TMC1: variants seen among roughly 807,000 people sequenced by gnomAD.
TMC1 encodes transmembrane channel like 1.
TMC1 carries 84 observed loss-of-function variants against 105.8 expected under a neutral mutation model. The observed-to-expected ratio is 0.79, with a 90% CI of 0.67 to 0.95. The LOEUF (loss-of-function observed/expected upper bound fraction) is 0.95. Ranked by LOEUF, TMC1 falls within the 40% of genes least tolerant of loss-of-function variation. TMC1 has a pLI of 0.00. For missense variants in TMC1, 817 were observed against 914.1 expected (o/e 0.89, Z 1.37); for synonymous variants, 315 against 311.5 (o/e 1.01, Z -0.12).
chr9:72,806,088 G>T (rs887046694), intron 18 of TMC1, among the ~76,000 whole-genome samples: 2 of 151,982 alleles, frequency 1.3e-5, no homozygotes, highest in Non-Finnish European at 2.9e-5. Context: ...TGGTGGCCGG[G>T]CAGAGGGGCT....
chr9:72,777,977 C>T (rs1828032490), intron 13 of TMC1, among the ~76,000 whole-genome samples: 2 of 152,256 alleles, frequency 1.3e-5, no homozygotes, highest in South Asian at 2.1e-4. Context: ...TTGTGGAACA[C>T]CTAGAATGGG....
chr9:72,656,919 G>A (rs575236771), intron 5 of TMC1, among the ~76,000 whole-genome samples: 156 of 152,314 alleles, frequency 1.0e-3, no homozygotes, highest in African/African-American at 3.7e-3. Flanking sequence ...AGGGTCTCAT[G>A]TTCTGTGAGA....
intron 8 of TMC1, among the ~76,000 whole-genome samples, chr9:72,701,710 G>A (rs752507890): frequency 1.7e-4 from 26 of 152,076 alleles, no homozygotes; most frequent in Non-Finnish European, 3.4e-4. Context: ...TAAAGGTATC[G>A]CTTAATCTCC....
At chr9:72,598,235 A>G (rs537960564) in intron 2 of TMC1, among the ~76,000 whole-genome samples, 1 of 152,118 alleles carries the variant, frequency 6.6e-6, no homozygotes, top group East Asian at 1.9e-4. Flanking sequence ...TGGGAAATCT[A>G]CTCACATATC....
intron 2 of TMC1, among the ~76,000 whole-genome samples, chr9:72,601,248 A>G (rs1824810522): frequency 6.6e-6 from 1 of 151,838 alleles, no homozygotes. Flanking sequence ...GCATATCCCT[A>G]TAGTCCCAGC....
chr9:72,779,262 A>C (rs1278278363), intron 13 of TMC1, among the ~76,000 whole-genome samples: 1 of 152,238 alleles, frequency 6.6e-6, no homozygotes, highest in Non-Finnish European at 1.5e-5. Flanking sequence ...CCTCAAAGGC[A>C]TCAAAGAATT....
intron 1 of TMC1, among the ~76,000 whole-genome samples, chr9:72,577,550 T>C (rs1437110242): frequency 6.6e-6 from 1 of 152,244 alleles, no homozygotes; most frequent in Non-Finnish European, 1.5e-5. Context: ...AGCAGCCTGA[T>C]TGAGATCAGC....
intron 5 of TMC1, among the ~76,000 whole-genome samples, chr9:72,657,100 A>G (rs573478257): frequency 1.3e-5 from 2 of 152,352 alleles, no homozygotes; most frequent in Admixed American, 6.5e-5. Flanking sequence ...GGATTCAAAG[A>G]TCTCCAGAGC....
chr9:72,762,150 GAA>G (rs1195712424), intron 12 of TMC1, among the ~76,000 whole-genome samples: 6 of 152,280 alleles, frequency 3.9e-5, no homozygotes, highest in African/African-American at 1.2e-4. Context: ...CTACAGTTTT[GAA>G]AGAGTCTTGG....
chr9:72,761,586 A>G (rs1827755882), intron 12 of TMC1, among the ~76,000 whole-genome samples: 1 of 152,192 alleles, frequency 6.6e-6, no homozygotes, highest in Admixed American at 6.5e-5. Flanking sequence ...CATACATTAA[A>G]TTTTATCCTC....
In TMC1 at chr9:72,699,152, A is replaced by G. The variant is rs149100002; in HGVS notation, c.237-1366A>G. On this transcript the variant is annotated intron_variant, in intron 7 of 23. Coordinates refer to ENST00000297784, the MANE Select transcript of TMC1 (RefSeq NM_138691.3). ...TATTACCAAAAAGCTGATCTCTACA[A>G]TGTGGTATTGCATGCCTCGATTTAA... Among the ~76,000 whole-genome samples the G allele has an allele frequency of 1.5e-3, 234 of 152,298 alleles. 2 individuals carry two copies. The East Asian group carries it at 0.018, about 11-fold the overall frequency.
intron 8 of TMC1, among the ~76,000 whole-genome samples, chr9:72,727,469 A>T (rs1217082166): frequency 6.6e-6 from 1 of 152,198 alleles, no homozygotes; most frequent in Non-Finnish European, 1.5e-5. Flanking sequence ...AAATAAAATG[A>T]ATTTGTTTAT....
chr9:72,577,756 G>A (rs1484556104), intron 1 of TMC1, 146 bp from the exon 2 acceptor site: 1 of 152,026 alleles, frequency 6.6e-6, no homozygotes, highest in Admixed American at 6.6e-5. Flanking sequence ...TCAAGGGAGG[G>A]GAGTAATAGC....
At chr9:72,739,267 A>G (rs993420271) in intron 8 of TMC1, among the ~76,000 whole-genome samples, 1 of 152,196 alleles carries the variant, frequency 6.6e-6, no homozygotes, top group Non-Finnish European at 1.5e-5. Flanking sequence ...AATTCCATTC[A>G]TGAGGGTTCT....
intron 1 of TMC1, among the ~76,000 whole-genome samples, chr9:72,561,863 C>T (rs1448283391): frequency 1.3e-5 from 2 of 152,116 alleles, no homozygotes; most frequent in African/African-American, 2.4e-5. Flanking sequence ...CAAACCGGAG[C>T]GGGGTGCAGT....
intron 5 of TMC1, among the ~76,000 whole-genome samples, chr9:72,671,126 A>G (rs1049122692): frequency 1.3e-5 from 2 of 152,234 alleles, no homozygotes; most frequent in Non-Finnish European, 2.9e-5. Context: ...GTATTTTTAT[A>G]GTAGGTTTGA....
At position 72,650,535 on chromosome 9, in the gene TMC1, A is replaced by G. The variant is rs145191701; in HGVS notation, c.16+1871A>G. 3.4e-4 allele frequency among the ~76,000 whole-genome samples: 51 copies of G among 152,098 alleles called. 1 individual carries two copies. In the East Asian group the frequency reaches 8.7e-3, roughly 26 times the overall value. ...TATTTTAGGCTTGGGAGTACGTATG[A>G]AAGTTTGTTACATAGGTAAACATGT... On this transcript the variant is annotated intron_variant, in intron 5 of 23. Transcript: ENST00000297784.
intron 12 of TMC1, among the ~76,000 whole-genome samples, chr9:72,760,350 A>T (rs1827737112): frequency 1.3e-5 from 2 of 152,142 alleles, no homozygotes; most frequent in Admixed American, 1.3e-4. Context: ...TCCATCTATC[A>T]TGGCACCATG....
intron 8 of TMC1, among the ~76,000 whole-genome samples, chr9:72,704,730 C>T (rs74814064): frequency 1.9e-3 from 290 of 152,138 alleles, no homozygotes; most frequent in African/African-American, 6.7e-3. Flanking sequence ...TTCACACATT[C>T]CTGTAGCCTT....
Sources: gnomAD v4.1 joint callset for allele counts (sites outside exome capture counted in the v4.1 genomes callset) on GRCh38, gnomAD v4.1.1 for gene constraint, MANE v1.5 for transcripts, NCBI Gene and HGNC (gene_info 2026-07-23, HGNC 2026-07-21) for gene names.